The following NDUFB7 variants were observed in gnomAD, a reference collection of about 807,000 sequenced individuals.
NDUFB7 encodes the protein NADH dehydrogenase [ubiquinone] 1 beta subcomplex subunit 7.
A neutral mutation model predicts 14.7 loss-of-function variants in NDUFB7; 18 were observed. The observed-to-expected ratio is 1.22, with a 90% CI of 0.85 to 1.81. The LOEUF is 1.81. Ranked by LOEUF, NDUFB7 falls within the 40% of genes most tolerant of loss-of-function variation. The pLI is 0.00. For synonymous variants in NDUFB7, 86 were observed against 76.1 expected, an observed-to-expected ratio of 1.13 and a Z score of -0.68; for missense variants, 219 against 195.0, an observed-to-expected ratio of 1.12 and a Z score of -0.73.
Position 14,566,870 on chromosome 19 carries a change from C to T in NDUFB7, c.176G>A (p.Cys59Tyr), listed in dbSNP as rs2146641289. 1.3e-6 allele frequency: 2 copies of T among 1,575,434 alleles called. No individual in the cohort carries two copies. The highest frequency in any genetic ancestry group is 2.7e-5 in the African/African-American group (2 of 74,238). The change falls in exon 2 of 3, where the codon TGC becomes TAC. Residue 59 changes from cysteine (C) to tyrosine (Y), a missense_variant. Physicochemically the swap from Cys to Tyr is radical, Grantham distance 194. Transcript: ENST00000215565. ...GAGCAGCCGGATGAGGTGGTGGGCG[C>T]AGTAGTCCCGCAGCTGGAGCCTCAG... Reference protein sequence around the residue: ...AQLRLQLRDYCAHHLIRLLKC... With the variant: ...AQLRLQLRDYYAHHLIRLLKC...
At chr19:14,571,802 C>T in intron 1 of NDUFB7, 87 bp downstream of exon 1, 1 of 1,280,260 alleles carries the variant, frequency 7.8e-7, no homozygotes, top group East Asian at 2.5e-5. Context: ...GGTTAGAGCC[C>T]AGCCCTGGGG....
chr19:14,566,500 A>G (rs3752221), intron 2 of NDUFB7, among the ~76,000 whole-genome samples: 42,642 of 151,340 alleles, frequency 0.28, 8,892 homozygotes, highest in African/African-American at 0.59. Flanking sequence ...TGTCCCCATC[A>G]AACAGGCCCC....
intron 1 of NDUFB7, among the ~76,000 whole-genome samples, chr19:14,570,670 T>C (rs2074119721): frequency 1.3e-5 from 2 of 152,152 alleles, no homozygotes; most frequent in Non-Finnish European, 2.9e-5. Flanking sequence ...CCACTGCCTC[T>C]TGGAAGCCTG....
In NDUFB7 at chr19:14,572,055, G is replaced by A. The variant is rs2074129461; in HGVS notation, c.-55C>T. ...GCCGAGGGTCACCTAGCTCCTACCCGGAACCACTGACCCCTCAGTCAGACA... is the reference window on the plus strand; with the variant it reads ...GCCGAGGGTCACCTAGCTCCTACCCAGAACCACTGACCCCTCAGTCAGACA... On this transcript the variant is annotated 5_prime_UTR_variant, in exon 1 of 3. Coordinates refer to ENST00000215565, the MANE Select transcript of NDUFB7 (RefSeq NM_004146.6). 1 of 1,351,214 alleles carries A rather than the reference G, an allele frequency of 7.4e-7. No individual in the cohort carries two copies. The highest frequency in any genetic ancestry group is 1.0e-6 in the Non-Finnish European group (1 of 983,652). 83.7% of individuals were successfully genotyped at this position (1,351,214 alleles called of 1,614,324 possible).
At chr19:14,568,432 G>C (rs1412115995) in intron 1 of NDUFB7, among the ~76,000 whole-genome samples, 1 of 152,192 alleles carries the variant, frequency 6.6e-6, no homozygotes. Context: ...CCCCAGGCCT[G>C]GGTATCACCT....
chr19:14,569,281 C>T (rs2074111050), intron 1 of NDUFB7, among the ~76,000 whole-genome samples: 1 of 152,040 alleles, frequency 6.6e-6, no homozygotes, highest in African/African-American at 2.4e-5. Flanking sequence ...TCAGCAGGGA[C>T]TGCAGGAATG....
At chr19:14,570,807 A>T (rs1258681272) in intron 1 of NDUFB7, among the ~76,000 whole-genome samples, 3 of 152,226 alleles carry the variant, frequency 2.0e-5, no homozygotes, top group Non-Finnish European at 4.4e-5. Context: ...CGTGGCCCAG[A>T]GCTGGTGCTC....
intron 1 of NDUFB7, among the ~76,000 whole-genome samples, chr19:14,570,584 G>A (rs1272335240): frequency 1.3e-5 from 2 of 152,108 alleles, no homozygotes; most frequent in African/African-American, 2.4e-5. Flanking sequence ...TGATCTGCCC[G>A]CCTTAGCCTC....
intron 1 of NDUFB7, among the ~76,000 whole-genome samples, chr19:14,570,547 G>C (rs975343291): frequency 6.6e-6 from 1 of 151,882 alleles, no homozygotes; most frequent in East Asian, 1.9e-4. Context: ...ATGTTGGCCA[G>C]GCTGGTCTCA....
chr19:14,571,919 C>G lies in NDUFB7; in HGVS notation c.82G>C (p.Asp28His). ...TCCTTGCGTTCGGGGAAGCCGTAGT[C>G]TGGCGGGAAGGTTGGCATCTGCAGG... ...DPLQMPTFPP[D>H]YGFPERKERE... is the part of the protein sequence containing the mutation. Residue 28 changes from aspartate (D) to histidine (H), a missense_variant, in exon 1 of 3, where the codon GAC becomes CAC. Physicochemically the swap from Asp to His is moderately conservative, Grantham distance 81 (BLOSUM62 -1). Transcript: ENST00000215565. 1 of 1,612,152 alleles carries G rather than the reference C, an allele frequency of 6.2e-7. No homozygotes were observed. The highest frequency in any genetic ancestry group is 8.5e-7 in the Non-Finnish European group (1 of 1,179,512).
chr19:14,569,922 G>T (rs1004882765), intron 1 of NDUFB7, among the ~76,000 whole-genome samples: 1 of 152,030 alleles, frequency 6.6e-6, no homozygotes, highest in Non-Finnish European at 1.5e-5. Context: ...AGACAGTCTC[G>T]CTCTGTCACC....
At chr19:14,571,828 G>A (rs2074126656) in intron 1 of NDUFB7, 61 bp downstream of exon 1, 2 of 1,490,590 alleles carry the variant, frequency 1.3e-6, no homozygotes, top group Non-Finnish European at 1.8e-6. Context: ...GCCCTGGGGT[G>A]CCAGGTGTTC....
Position 14,566,903 on chromosome 19 carries a change from TCCATCATCTCCTGCTGTGTGG to T in NDUFB7, c.122_142del (p.Ala41_Met47del). 1 of 1,585,042 alleles carries T rather than the reference TCCATCATCTCCTGCTGTGTGG, an allele frequency of 6.3e-7. No individual in the cohort carries two copies. The highest frequency in any genetic ancestry group is 1.1e-5 in the South Asian group (1 of 87,704). On this transcript the variant is annotated inframe_deletion, in exon 2 of 3. Transcript: ENST00000215565. ...CCGCAGCTGGAGCCTCAGCTGCGCGTCCATCATCTCCTGCTGTGTGGCCACCATCTCTGCAGGGAGTGGGCG... is the reference window on the plus strand; with the variant it reads ...CCGCAGCTGGAGCCTCAGCTGCGCGTCCACCATCTCTGCAGGGAGTGGGCG...
Position 14,571,965 on chromosome 19 carries a change from A to T in NDUFB7, c.36T>A (p.Asp12Glu). The change falls in exon 1 of 3, where the codon GAT (aspartate) becomes GAA (glutamate). Residue 12 changes from aspartate (D) to glutamate (E), a missense_variant. By Grantham distance (45) the Asp-to-Glu change is conservative. Transcript: ENST00000215565. ...GCAGGGGGTCGGGCTCCACCGAGGCATCGCCCAGGTAGCGCCGGACCAGGT... is the reference window on the plus strand; with the variant it reads ...GCAGGGGGTCGGGCTCCACCGAGGCTTCGCCCAGGTAGCGCCGGACCAGGT... ...GAHLVRRYLG[D>E]ASVEPDPLQM... The T allele has an allele frequency of 1.9e-6, 3 of 1,610,524 alleles. No homozygotes were observed. Among genetic ancestry groups the T allele is most frequent in the Non-Finnish European group, 2.5e-6 (3 of 1,178,832 alleles).
In NDUFB7 at chr19:14,567,533, G is replaced by A. The variant is rs561511688; in HGVS notation, c.113-600C>T. On this transcript the variant is annotated intron_variant, in intron 1 of 2. Transcript: ENST00000215565. The surrounding 1 kb of genome is among the most constrained non-coding windows in gnomAD (Gnocchi z 5.1). ...ACAGCTGGACTAGTATCTGGGTCCC[G>A]GTGCCCCACTCACCTAGCAAACCTG... Among the ~76,000 whole-genome samples, 15 of 152,126 alleles carry A rather than the reference G, an allele frequency of 9.9e-5. No homozygotes were observed. The highest frequency in any genetic ancestry group is 2.9e-4 in the African/African-American group (12 of 41,502).
chr19:14,566,169 C>T lies in NDUFB7; in HGVS notation c.378G>A (p.Gln126=). ...EKKAAELAKG[Q]GPGEVDPKVA... is the part of the protein sequence containing the mutation. ...CCTTGGGGTCCACTTCCCCGGGTCCCTGGCCTTTGGCCAACTCTGCCGCCT... is the reference window on the plus strand; with the variant it reads ...CCTTGGGGTCCACTTCCCCGGGTCCTTGGCCTTTGGCCAACTCTGCCGCCT... Residue 126 remains glutamine (Q), a synonymous_variant, in exon 3 of 3, where the codon CAG becomes CAA. Transcript: ENST00000215565. 1.2e-6 allele frequency: 2 copies of T among 1,613,410 alleles called. No homozygotes were observed. Among genetic ancestry groups the T allele is most frequent in the Non-Finnish European group, 8.5e-7 (1 of 1,179,746 alleles).
At chr19:14,570,950 G>A (rs1465122295) in intron 1 of NDUFB7, among the ~76,000 whole-genome samples, 2 of 152,082 alleles carry the variant, frequency 1.3e-5, no homozygotes, top group South Asian at 2.1e-4. Context: ...TTGAGCCCAG[G>A]AGTTTGAGAC....
intron 1 of NDUFB7, among the ~76,000 whole-genome samples, chr19:14,568,659 GTCTGGCA>G (rs1243863971): frequency 6.6e-6 from 1 of 152,194 alleles, no homozygotes; most frequent in Non-Finnish European, 1.5e-5. Context: ...ACCACAGCGT[GTCTGGCA>G]GTGCTTAAGT....
In NDUFB7 at chr19:14,567,971, G is replaced by T. The variant is rs1482123135; in HGVS notation, c.113-1038C>A. 6.6e-6 allele frequency among the ~76,000 whole-genome samples: 1 copy of T among 152,070 alleles called. No individual in the cohort carries two copies. The highest frequency in any genetic ancestry group is 1.5e-5 in the Non-Finnish European group (1 of 68,016). Reference sequence around the variant, plus strand: ...GCCTCCCGCTTCCTTCTTTCCTGTGGCTCCTCCCACATCCCTCCTCCCCAG... The same window carrying T: ...GCCTCCCGCTTCCTTCTTTCCTGTGTCTCCTCCCACATCCCTCCTCCCCAG... On this transcript the variant is annotated intron_variant, in intron 1 of 2. Transcript: ENST00000215565. The surrounding 1 kb of genome is among the most constrained non-coding windows in gnomAD (Gnocchi z 5.1).
Sources: allele counts gnomAD v4.1 joint callset (sites outside exome capture counted in the v4.1 genomes callset), GRCh38; gene constraint gnomAD v4.1.1; non-coding constraint Gnocchi (gnomAD v3.1); transcripts MANE v1.5; gene names NCBI Gene and HGNC (gene_info 2026-07-23, HGNC 2026-07-21).